The following ANO5 variants were observed in gnomAD, a reference collection of about 807,000 sequenced individuals.
ANO5 encodes the protein anoctamin 5.
Under a neutral mutation model 121.0 loss-of-function variants are expected in ANO5, and 109 were observed. The ratio of observed to expected loss-of-function variants is 0.90; its 90% CI spans 0.77 to 1.06. ANO5 has a LOEUF of 1.06. Among genes scored for constraint, ANO5 ranks in the 50% least tolerant of loss-of-function variants. ANO5 has a pLI of 0.00. For synonymous variants in ANO5, 406 were observed against 359.9 expected (o/e 1.13, Z -1.45); for missense variants, 1,064 against 1,078.5 (o/e 0.99, Z 0.19).
At chr11:22,277,359 T>A (rs1162231287) in intron 21 of ANO5, among the ~76,000 whole-genome samples, 1 of 151,702 alleles carries the variant, frequency 6.6e-6, no homozygotes. Context: ...TTATTTTTAG[T>A]GTGACTATTC....
Position 22,221,200 on chromosome 11 carries a change from A to T in ANO5, c.284A>T (p.Glu95Val), listed in dbSNP as rs754459197. The stretch of plus-strand genomic sequence containing the variant: ...GTTGATGATGTAAAGAAAGACGCAG[A>T]GTTAAAGGCGGTAAGTGCATTATAA... Reference protein sequence around the residue: ...SYVDDVKKDAELKAERRKEFE... With the variant: ...SYVDDVKKDAVLKAERRKEFE... Residue 95 changes from glutamate to valine, a missense_variant, in exon 5 of 22, where the codon GAG (glutamate) becomes GTG (valine). Physicochemically the swap from Glu to Val is moderately radical, Grantham distance 121. Transcript: ENST00000324559. The T allele has an allele frequency of 3.7e-6, 6 of 1,606,988 alleles. No individual in the cohort carries two copies. The South Asian group carries it at 6.6e-5, about 18-fold the overall frequency.
At position 22,196,903 on chromosome 11, in the gene ANO5, C is replaced by T. The variant is rs137909642; in HGVS notation, c.40+3371C>T. 2.2e-3 allele frequency among the ~76,000 whole-genome samples: 335 copies of T among 152,138 alleles called. 1 individual carries two copies. The highest frequency in any genetic ancestry group is 9.9e-3 in the South Asian group (48 of 4,828). On this transcript the variant is annotated intron_variant, in intron 1 of 21. Coordinates refer to ENST00000324559, the MANE Select transcript of ANO5 (RefSeq NM_213599.3). ...ATAAATAAAATAAAAATAAAATAAA[C>T]GACACTGTTATGAAAACAAAAGTGT...
At chr11:22,215,401 A>C (rs937031546) in intron 3 of ANO5, among the ~76,000 whole-genome samples, 1 of 152,002 alleles carries the variant, frequency 6.6e-6, no homozygotes, top group East Asian at 1.9e-4. Flanking sequence ...TCAGTCTCCT[A>C]GTGATTTCAT....
intron 1 of ANO5, among the ~76,000 whole-genome samples, chr11:22,194,681 A>G (rs1369900583): frequency 6.6e-6 from 1 of 152,216 alleles, no homozygotes; most frequent in Non-Finnish European, 1.5e-5. Context: ...AATAAATAGA[A>G]TCATACAACA....
At chr11:22,255,814 C>T (rs1853984682) in intron 13 of ANO5, among the ~76,000 whole-genome samples, 2 of 152,036 alleles carry the variant, frequency 1.3e-5, no homozygotes, top group Non-Finnish European at 2.9e-5. Flanking sequence ...AATCTTGTTT[C>T]ATTCATACTC....
intron 1 of ANO5, among the ~76,000 whole-genome samples, chr11:22,203,477 C>A (rs765207756): frequency 1.4e-4 from 21 of 151,918 alleles, no homozygotes; most frequent in Non-Finnish European, 2.2e-4. Flanking sequence ...TGAATGGACA[C>A]CCTATTGGGT....
chr11:22,227,405 G>C lies in ANO5; in HGVS notation c.467G>C (p.Ser156Thr). The C allele has an allele frequency of 6.2e-7, 1 of 1,613,528 alleles. No homozygotes were observed. Among genetic ancestry groups the C allele is most frequent in the Non-Finnish European group, 8.5e-7 (1 of 1,179,764 alleles). ...GGAATCAAAATGCCTATTAAGGAGA[G>C]TGATATTCCCCGCCCTAAGCACACT... The part of the protein sequence containing the change: ...VLGIKMPIKE[S>T]DIPRPKHTPI... The change falls in exon 7 of 22, where the codon AGT (serine) becomes ACT (threonine). Residue 156 changes from serine (S) to threonine (T), a missense_variant. By Grantham distance (58) the Ser-to-Thr change is moderately conservative. Coordinates refer to ENST00000324559, the MANE Select transcript of ANO5 (RefSeq NM_213599.3).
At chr11:22,279,462 A>C in intron 21 of ANO5, 82 bp from the exon 22 acceptor site, 1 of 1,189,118 alleles carries the variant, frequency 8.4e-7, no homozygotes, top group Admixed American at 1.8e-5. Context: ...TTTCTTAAAT[A>C]AGTGAAATGA....
intron 12 of ANO5, among the ~76,000 whole-genome samples, chr11:22,253,616 C>G (rs946807726): frequency 6.6e-6 from 1 of 152,102 alleles, no homozygotes; most frequent in African/African-American, 2.4e-5. Context: ...CTACTGCATA[C>G]AGCAGTAATG....
chr11:22,271,384 A>G (rs1854607380), intron 18 of ANO5, among the ~76,000 whole-genome samples: 1 of 152,074 alleles, frequency 6.6e-6, no homozygotes, highest in Non-Finnish European at 1.5e-5. Flanking sequence ...GGCCCATAAA[A>G]CCGTGGTAGG....
intron 19 of ANO5, 115 bp from the exon 20 acceptor site, chr11:22,274,454 G>T: frequency 1.1e-6 from 1 of 943,740 alleles, no homozygotes; most frequent in East Asian, 2.6e-5. Context: ...ATTTATAATA[G>T]TATTTAATCA....
chr11:22,202,561 A>G (rs1164524319), intron 1 of ANO5, among the ~76,000 whole-genome samples: 3 of 152,254 alleles, frequency 2.0e-5, no homozygotes, highest in South Asian at 2.1e-4. Flanking sequence ...GTCTAAGATC[A>G]TGGTACTGAA....
chr11:22,212,068 A>G (rs1192114430), intron 3 of ANO5, among the ~76,000 whole-genome samples: 5 of 151,758 alleles, frequency 3.3e-5, no homozygotes, highest in African/African-American at 4.8e-5. Context: ...TAACATTTAG[A>G]TGAGCCTAAA....
chr11:22,252,928 T>G (rs1853874842), intron 12 of ANO5, among the ~76,000 whole-genome samples: 1 of 152,196 alleles, frequency 6.6e-6, no homozygotes, highest in Admixed American at 6.5e-5. Flanking sequence ...TAAGACATAT[T>G]TTGAGTGTAC....
Position 22,259,499 on chromosome 11 carries a change from T to C in ANO5, c.1408-20T>C. 6.2e-7 allele frequency: 1 copy of C among 1,602,338 alleles called. No individual in the cohort carries two copies. The highest frequency in any genetic ancestry group is 8.6e-7 in the Non-Finnish European group (1 of 1,169,346). On this transcript the variant is annotated intron_variant, in intron 14 of 21. Coordinates refer to ENST00000324559, the MANE Select transcript of ANO5 (RefSeq NM_213599.3). ...GAGATACAGAGACCCAAATAGCAGT[T>C]CTTTGTTTTCCTTTCCCAGATGTCT... is the stretch of plus-strand genomic sequence containing the variant.
chr11:22,239,315 T>C (rs1027512737), intron 8 of ANO5, among the ~76,000 whole-genome samples: 3 of 152,218 alleles, frequency 2.0e-5, no homozygotes, highest in Middle Eastern at 3.4e-3. Flanking sequence ...AGAAAGGGCA[T>C]TCCAGGTGAA....
rs116757347 is a variant in ANO5 at position 22,200,495 on chromosome 11, G to A, written c.41-3309G>A. On this transcript the variant is annotated intron_variant, in intron 1 of 21. Coordinates refer to ENST00000324559, the MANE Select transcript of ANO5 (RefSeq NM_213599.3). ...GATTATTAAAAATTTGTGTGTTCAG[G>A]GTCAAGATTTTATAAACTTCATAAG... is the stretch of plus-strand genomic sequence containing the variant. Among the ~76,000 whole-genome samples, 364 of 152,100 alleles carry A rather than the reference G, an allele frequency of 2.4e-3. 1 individual carries two copies. The highest frequency in any genetic ancestry group is 8.5e-3 in the African/African-American group (351 of 41,496).
intron 18 of ANO5, among the ~76,000 whole-genome samples, chr11:22,272,201 A>C (rs1044166450): frequency 4.6e-5 from 7 of 151,338 alleles, no homozygotes; most frequent in Non-Finnish European, 1.0e-4. Flanking sequence ...AGTCTTAATG[A>C]GGAGAGAGAA....
intron 9 of ANO5, among the ~76,000 whole-genome samples, chr11:22,245,220 G>A (rs958217946): frequency 3.3e-5 from 5 of 152,150 alleles, no homozygotes; most frequent in Admixed American, 1.3e-4. Context: ...GCCTCGCAGC[G>A]CTTCAGTATT....
Sources: allele counts gnomAD v4.1 joint callset (sites outside exome capture counted in the v4.1 genomes callset), GRCh38; gene constraint gnomAD v4.1.1; transcripts MANE v1.5; gene names NCBI Gene and HGNC (gene_info 2026-07-23, HGNC 2026-07-21).